The following FHL1 variants were observed in gnomAD, a reference collection of about 807,000 sequenced individuals.
FHL1 encodes the protein four and a half LIM domains 1.
FHL1 carries 1 observed loss-of-function variant against 20.3 expected under a neutral mutation model. The ratio of observed to expected loss-of-function variants is 0.05; its 90% CI spans 0.02 to 0.23. The LOEUF (loss-of-function observed/expected upper bound fraction) is 0.23, where lower values mean the gene tolerates loss of function less well. FHL1 is among the 10% of genes least tolerant of loss of function. The pLI is 1.00. For missense variants in FHL1, 177 were observed against 234.0 expected (o/e 0.76, Z 1.59); for synonymous variants, 82 against 88.9 (o/e 0.92, Z 0.44).
chrX:136,166,202 T>C (rs2072705117), upstream of FHL1, among the ~76,000 whole-genome samples: 1 of 111,794 alleles, frequency 8.9e-6, no homozygotes, highest in Non-Finnish European at 1.9e-5. Flanking sequence ...GACATGCTAG[T>C]ACAGATGATA....
At chrX:136,147,970 C>G (rs1240754252) in intron 1 of FHL1, 3 of 86,344 alleles carry the variant, frequency 3.5e-5, no homozygotes, top group Non-Finnish European at 6.7e-5. Flanking sequence ...GAAATGGGGG[C>G]TCTCCATGTT....
At chrX:136,190,274 A>C (rs778733869) in intron 2 of FHL1, among the ~76,000 whole-genome samples, 1 of 111,276 alleles carries the variant, frequency 9.0e-6, no homozygotes, top group East Asian at 2.8e-4. Flanking sequence ...GCTGCCTGGC[A>C]TGGTGAACTT....
chrX:136,152,472 C>A (rs1201674104), intron 1 of FHL1, among the ~76,000 whole-genome samples: 1 of 111,639 alleles, frequency 9.0e-6, no homozygotes, highest in Non-Finnish European at 1.9e-5. Flanking sequence ...GTAATCCCAG[C>A]ACTTTGGGAG....
intron 2 of FHL1, among the ~76,000 whole-genome samples, chrX:136,181,632 A>T (rs1370795793): frequency 8.9e-6 from 1 of 112,368 alleles, no homozygotes; most frequent in African/African-American, 3.2e-5. Context: ...AGACTGTACC[A>T]CATTCTGTGC....
At chrX:136,197,966 A>G (rs1452079330) in intron 1 of FHL1, among the ~76,000 whole-genome samples, 1 of 68,168 alleles carries the variant, frequency 1.5e-5, no homozygotes, top group Admixed American at 1.7e-4. Context: ...GTCATTATCT[A>G]TGTTTTTTTT....
rs2073577575 is a variant in FHL1 at position 136,197,141 on chromosome X, C to T, written c.22+7C>T. 2 of 1,205,013 alleles carry T rather than the reference C, an allele frequency of 1.7e-6. No homozygotes were observed. The highest frequency in any genetic ancestry group is 3.0e-5 in the East Asian group (1 of 33,769). Reference sequence around the variant, plus strand: ...GCTTCCCATAGACACTCAGGTAAAACTTCATGCTCTTTATCTTATATTGAG... The same window carrying T: ...GCTTCCCATAGACACTCAGGTAAAATTTCATGCTCTTTATCTTATATTGAG... On this transcript the variant is annotated splice_region_variant and intron_variant, in intron 1 of 5. Coordinates refer to ENST00000370683, the MANE Select transcript of FHL1 (RefSeq NM_001159699.2).
chrX:136,171,781 T>C (rs558403003), intron 2 of FHL1, among the ~76,000 whole-genome samples: 155 of 112,602 alleles, frequency 1.4e-3, no homozygotes, highest in Middle Eastern at 4.6e-3. Context: ...GACCAAAACT[T>C]GGTATCCTTG....
chrX:136,209,852 TC>T lies in FHL1; in HGVS notation c.737-18del, dbSNP rs776759929. 148 of 1,201,209 alleles carry T rather than the reference TC, an allele frequency of 1.2e-4. No individual in the cohort carries two copies. Among genetic ancestry groups the T allele is most frequent in the South Asian group, 5.5e-4 (31 of 56,330 alleles). ...CTGTTTCTCTTGTTTTCTTTTCTTT[TC>T]TTTTTTTTTCCCCCCAGGGTTTGGT... On this transcript the variant is annotated intron_variant, in intron 5 of 5. Transcript: ENST00000370683.
intron 2 of FHL1, among the ~76,000 whole-genome samples, chrX:136,179,421 T>C (rs1298042003): frequency 8.9e-6 from 1 of 112,017 alleles, no homozygotes; most frequent in Non-Finnish European, 1.9e-5. Flanking sequence ...GATCTTGACC[T>C]GACTTTTGGT....
chrX:136,209,139 C>T (rs1054694455), intron 5 of FHL1: 162 of 738,973 alleles, frequency 2.2e-4, no homozygotes, highest in Non-Finnish European at 3.0e-4. Flanking sequence ...CCTCATCTCG[C>T]GGCCGCGATC....
chrX:136,208,735 C>A, intron 5 of FHL1, 94 bp downstream of exon 5: 1 of 893,525 alleles, frequency 1.1e-6, no homozygotes, highest in Admixed American at 2.2e-5. Flanking sequence ...TCCACAAAGG[C>A]CCCCAGAGAA....
At chrX:136,209,513 A>G in intron 5 of FHL1, 1 of 1,066,602 alleles carries the variant, frequency 9.4e-7, no homozygotes, top group Non-Finnish European at 1.3e-6. Context: ...GCCCTGACCT[A>G]AATCAAAGAA....
rs753889352 is a variant in FHL1, at chrX:136,211,218, CAT to C, written c.*1194_*1195del. The C allele has an allele frequency of 4.2e-5, 15 of 357,604 alleles. No homozygotes were observed. Among genetic ancestry groups the C allele is most frequent in the South Asian group, 7.9e-5 (3 of 37,913 alleles). The allele number at this position is 357,604 out of a possible 1,213,427, so 29.5% of individuals were successfully genotyped here. On this transcript the variant is annotated 3_prime_UTR_variant, in exon 6 of 6. Transcript: ENST00000370683. ...ATAATGAGACAATATCAAAAGTAAA[CAT>C]GTAATGACAATACATACTAACATTC...
intron 1 of FHL1, among the ~76,000 whole-genome samples, chrX:136,200,856 G>GT (rs1010081024): frequency 8.9e-6 from 1 of 111,939 alleles, no homozygotes; most frequent in African/African-American, 3.2e-5. Context: ...AGGAGTGAAA[G>GT]TTTATTAAAA....
intron 1 of FHL1, among the ~76,000 whole-genome samples, chrX:136,200,785 C>A (rs1237490261): frequency 8.9e-6 from 1 of 112,137 alleles, no homozygotes; most frequent in Non-Finnish European, 1.9e-5. Context: ...GTAGCAACCT[C>A]ATTTCTTGCC....
chrX:136,169,466 G>A (rs938923659), upstream of FHL1: 16 of 211,006 alleles, frequency 7.6e-5, no homozygotes, highest in African/African-American at 4.8e-4. Context: ...CATTCTGGCT[G>A]GATCAGAGCC....
At chrX:136,169,520 G>GGA (rs2072802920), upstream of FHL1, 2 of 200,021 alleles carry the variant, frequency 1.0e-5, no homozygotes, top group Non-Finnish European at 9.2e-6. Flanking sequence ...GAGAGAGAGA[G>GGA]AAAAAAAAAG....
intron 2 of FHL1, among the ~76,000 whole-genome samples, chrX:136,173,760 G>A (rs1385028760): frequency 9.5e-6 from 1 of 105,224 alleles, no homozygotes; most frequent in African/African-American, 3.5e-5. Flanking sequence ...GTGCAGTGGC[G>A]TGATCTCCGC....
At chrX:136,194,479 C>T (rs766068978), upstream of FHL1, among the ~76,000 whole-genome samples, 2 of 111,087 alleles carry the variant, frequency 1.8e-5, no homozygotes, top group African/African-American at 6.5e-5. Flanking sequence ...GGAAGGGAAA[C>T]AGGGAGTTTG....
Sources: allele counts gnomAD v4.1 joint callset (sites outside exome capture counted in the v4.1 genomes callset), GRCh38; gene constraint gnomAD v4.1.1; transcripts MANE v1.5; gene names NCBI Gene and HGNC (gene_info 2026-07-23, HGNC 2026-07-21).